TRPA1: variants seen among roughly 807,000 people sequenced by gnomAD.
TRPA1 encodes the protein ankyrin-like with transmembrane domains 1.
In TRPA1, 129 loss-of-function variants were observed where a neutral mutation model predicts 131.3. The observed-to-expected ratio is 0.98, with a 90% CI of 0.85 to 1.14. TRPA1 has a LOEUF of 1.14. TRPA1 is among the 50% of genes most tolerant of loss of function. The probability of loss-of-function intolerance (pLI) is 0.00; values close to 1 mark genes in which losing one functional copy is unlikely to be tolerated. For synonymous variants in TRPA1, 441 were observed against 451.7 expected, an observed-to-expected ratio of 0.98 and a Z score of 0.30; for missense variants, 1,304 against 1,354.2, an observed-to-expected ratio of 0.96 and a Z score of 0.58.
chr8:72,078,275 A>G (rs921129382), upstream of TRPA1, among the ~76,000 whole-genome samples: 3 of 152,154 alleles, frequency 2.0e-5, no homozygotes, highest in East Asian at 3.8e-4. Context: ...AAATGCACCC[A>G]TGGAAAGTGC....
chr8:72,077,226 G>C (rs1472273811), upstream of TRPA1, among the ~76,000 whole-genome samples: 1 of 151,574 alleles, frequency 6.6e-6, no homozygotes, highest in Non-Finnish European at 1.5e-5. Flanking sequence ...TGGGGCAGTG[G>C]GCATGTCATG....
rs748980016 is a variant in TRPA1 at position 72,061,654 on chromosome 8, G to T, written c.915C>A (p.Thr305=). 2 of 1,613,970 alleles carry T rather than the reference G, an allele frequency of 1.2e-6. No homozygotes were observed. Among genetic ancestry groups the T allele is most frequent in the African/African-American group, 2.7e-5 (2 of 75,014 alleles). The change falls in exon 7 of 27, where the codon ACC becomes ACA. Residue 305 remains threonine, a synonymous_variant. Coordinates refer to ENST00000262209, the MANE Select transcript of TRPA1 (RefSeq NM_007332.3). The part of the protein sequence containing the change: ...YSGSVDIVNT[T]DGCHETMLHR... ...GAAGCATGGTCTCATGACATCCATC[G>T]GTTGTGTTAACAATATCCACGCTAC...
At chr8:72,033,407 G>C (rs891981836) in intron 23 of TRPA1, among the ~76,000 whole-genome samples, 1 of 152,144 alleles carries the variant, frequency 6.6e-6, no homozygotes, top group South Asian at 2.1e-4. Context: ...ACTTGTAACA[G>C]TTGCTGGCAT....
chr8:72,045,093 C>G (rs918345561), intron 17 of TRPA1, among the ~76,000 whole-genome samples: 9 of 151,926 alleles, frequency 5.9e-5, no homozygotes, highest in Non-Finnish European at 1.2e-4. Context: ...AGTGTAGTTA[C>G]TGTTAGATCA....
intron 21 of TRPA1, among the ~76,000 whole-genome samples, chr8:72,035,761 T>C (rs540138840): frequency 1.3e-5 from 2 of 152,220 alleles, no homozygotes; most frequent in South Asian, 4.1e-4. Context: ...TACAAAATAA[T>C]ATCAGGTAAA....
At chr8:72,085,862 G>A in the TRPA1 span, among the ~76,000 whole-genome samples, 3 of 151,810 alleles carry the variant, frequency 2.0e-5, no homozygotes, top group African/African-American at 7.3e-5. Context: ...TGTGCATTTT[G>A]TTTTAACCTT....
intron 21 of TRPA1, among the ~76,000 whole-genome samples, chr8:72,034,641 C>G (rs747090388): frequency 3.3e-5 from 5 of 152,170 alleles, no homozygotes; most frequent in Non-Finnish European, 7.4e-5. Flanking sequence ...GTCACCCAAG[C>G]TGGAGTGCAG....
chr8:72,086,289 A>C, the TRPA1 span, among the ~76,000 whole-genome samples: 1 of 152,202 alleles, frequency 6.6e-6, no homozygotes, highest in Non-Finnish European at 1.5e-5. Flanking sequence ...AGAGTTAATT[A>C]TTATATCTTT....
Position 72,050,794 on chromosome 8 carries a change from A to G in TRPA1, c.1889T>C (p.Leu630Pro). Residue 630 changes from leucine (L) to proline (P), a missense_variant, in exon 15 of 27, where the codon CTC becomes CCC. Leu to Pro is a moderately conservative substitution (Grantham distance 98, BLOSUM62 -3). Coordinates refer to ENST00000262209, the MANE Select transcript of TRPA1 (RefSeq NM_007332.3). ...KCPITEMIEY[L>P]PECMKVLLDF... Reference sequence around the variant, plus strand: ...AGAATTTACCTTCATGCATTCAGGGAGGTATTCTATCATTTCTGTAATTGG... The same window carrying G: ...AGAATTTACCTTCATGCATTCAGGGGGGTATTCTATCATTTCTGTAATTGG... 1 of 1,610,276 alleles carries G rather than the reference A, an allele frequency of 6.2e-7. No individual in the cohort carries two copies.
upstream of TRPA1, among the ~76,000 whole-genome samples, chr8:72,079,402 G>A (rs769677496): frequency 2.0e-5 from 3 of 151,794 alleles, no homozygotes; most frequent in Non-Finnish European, 4.4e-5. Context: ...GTGGGGTAGA[G>A]GTCTAAGTTC....
At chr8:72,059,849 T>C (rs966241813) in intron 7 of TRPA1, among the ~76,000 whole-genome samples, 8 of 152,118 alleles carry the variant, frequency 5.3e-5, no homozygotes, top group African/African-American at 1.9e-4. Flanking sequence ...AGCCCCTCTT[T>C]GGGGGGCTTC....
At chr8:72,078,272 C>T (rs886844442), upstream of TRPA1, among the ~76,000 whole-genome samples, 3 of 151,988 alleles carry the variant, frequency 2.0e-5, no homozygotes, top group African/African-American at 4.8e-5. Context: ...ATAAAATGCA[C>T]CCATGGAAAG....
chr8:72,045,933 C>T (rs16937941), intron 17 of TRPA1, among the ~76,000 whole-genome samples: 3,129 of 152,068 alleles, frequency 0.021, 125 homozygotes, highest in African/African-American at 0.07. Context: ...AGCCTGCTTC[C>T]AATGGGGTTC....
chr8:72,027,881 T>C (rs1811662874), intron 24 of TRPA1, among the ~76,000 whole-genome samples: 1 of 152,180 alleles, frequency 6.6e-6, no homozygotes, highest in Non-Finnish European at 1.5e-5. Context: ...ATTTGTGCCA[T>C]TGACTGTCAG....
At chr8:72,075,216 C>G (rs952247484) in intron 1 of TRPA1, 83 bp downstream of exon 1, 57 of 1,109,342 alleles carry the variant, frequency 5.1e-5, no homozygotes, top group Non-Finnish European at 7.4e-5. Context: ...TTTCTCCAAA[C>G]CAAGGGCTGC....
At chr8:72,077,565 G>C (rs1806214156), upstream of TRPA1, among the ~76,000 whole-genome samples, 1 of 152,146 alleles carries the variant, frequency 6.6e-6, no homozygotes, top group African/African-American at 2.4e-5. Flanking sequence ...TAGATTAAAA[G>C]ATAGTTTAAT....
At chr8:72,032,241 T>C (rs1811852475) in intron 23 of TRPA1, among the ~76,000 whole-genome samples, 1 of 152,210 alleles carries the variant, frequency 6.6e-6, no homozygotes, top group Admixed American at 6.5e-5. Flanking sequence ...AAGCCACTGA[T>C]GTGTTCAGTT....
intron 24 of TRPA1, among the ~76,000 whole-genome samples, chr8:72,027,867 T>A (rs1278666496): frequency 2.0e-5 from 3 of 152,162 alleles, no homozygotes; most frequent in African/African-American, 4.8e-5. Context: ...TGGGGGGTAC[T>A]AGGATTTGTG....
chr8:72,023,742 T>G, intron 26 of TRPA1, 72 bp downstream of exon 26: 1 of 909,448 alleles, frequency 1.1e-6, no homozygotes, highest in Non-Finnish European at 1.8e-6. Flanking sequence ...ATATAAAATA[T>G]AATCTTACAT....
Sources: allele counts gnomAD v4.1 joint callset (sites outside exome capture counted in the v4.1 genomes callset), GRCh38; gene constraint gnomAD v4.1.1; transcripts MANE v1.5; gene names NCBI Gene and HGNC (gene_info 2026-07-23, HGNC 2026-07-21).